Variants in AGAP2 observed in about 807,000 individuals in gnomAD.
AGAP2 encodes the protein ArfGAP with GTPase domain, ankyrin repeat and PH domain 2.
Under a neutral mutation model 110.9 loss-of-function variants are expected in AGAP2, and 32 were observed. The ratio of observed to expected loss-of-function variants is 0.29; its 90% confidence interval spans 0.22 to 0.39. The LOEUF is 0.39. AGAP2 is among the 10% of genes least tolerant of loss of function. The pLI, the probability that AGAP2 is intolerant of heterozygous loss-of-function variation, is 1.00. For missense variants in AGAP2, 1,285 were observed against 1,638.5 expected, an observed-to-expected ratio of 0.78 and a Z score of 3.72; for synonymous variants, 702 against 713.0, an observed-to-expected ratio of 0.98 and a Z score of 0.25.
At position 57,734,272 on chromosome 12, in the gene AGAP2, C is replaced by T. The variant is rs772823832; in HGVS notation, c.1401+47G>A. 13 of 1,613,264 alleles carry T rather than the reference C, an allele frequency of 8.1e-6. No individual in the cohort carries two copies. The African/African-American group carries it at 1.5e-4, about 18-fold the overall frequency. ...GGGAAACCAGAGCCCTCTCCTTTGG[C>T]CAGTGCTGACCCCAGCCAGCCTGTC... On this transcript the variant is annotated intron_variant, in intron 4 of 18. Coordinates refer to ENST00000547588, the MANE Select transcript of AGAP2 (RefSeq NM_001122772.3).
chr12:57,728,470 G>A (rs992760462), intron 13 of AGAP2, 93 bp from the exon 14 acceptor site: 2 of 1,217,378 alleles, frequency 1.6e-6, no homozygotes, highest in Non-Finnish European at 2.4e-6. Flanking sequence ...CAGGTAGATG[G>A]AGAGATGGAG....
chr12:57,732,700 T>A, intron 6 of AGAP2, 145 bp downstream of exon 6: 1 of 1,456,868 alleles, frequency 6.9e-7, no homozygotes, highest in South Asian at 1.3e-5. Context: ...TAAGCAAACC[T>A]TCTCTGGCCT....
Position 57,731,701 on chromosome 12 carries a change from T to C in AGAP2, c.1954-59A>G, listed in dbSNP as rs112928709. 23 of 1,608,246 alleles carry C rather than the reference T, an allele frequency of 1.4e-5. No homozygotes were observed. The African/African-American group carries it at 1.6e-4, about 11-fold the overall frequency. The stretch of plus-strand genomic sequence containing the variant: ...ATAGAGGGATACACTGATGTGACGA[T>C]AGGGAAGATAGATGAAGAAGGGCCC... On this transcript the variant is annotated intron_variant, in intron 8 of 18. Coordinates refer to ENST00000547588, the MANE Select transcript of AGAP2 (RefSeq NM_001122772.3).
At chr12:57,733,933 A>G (rs1954930680) in intron 5 of AGAP2, 93 bp downstream of exon 5, 40 of 1,444,140 alleles carry the variant, frequency 2.8e-5, no homozygotes, top group Non-Finnish European at 3.7e-5. Flanking sequence ...GGCCATTTCC[A>G]CACCTTACCA....
Position 57,726,699 on chromosome 12 carries a change from G to C in AGAP2, c.3432C>G (p.Leu1144=). The C allele has an allele frequency of 8.0e-7, 1 of 1,246,842 alleles. No homozygotes were observed. The highest frequency in any genetic ancestry group is 2.9e-5 in the South Asian group (1 of 34,750). The allele number at this position is 1,246,842 out of a possible 1,614,324, so 77.2% of individuals were successfully genotyped here. Residue 1144 remains leucine (L), a synonymous_variant, in exon 19 of 19, where the codon CTC becomes CTG. Transcript: ENST00000547588. This position sits in a 1 kb window ranked among gnomAD's most constrained non-coding sequence, Gnocchi z 5.7. ...AGSQLCADIL[L]QHGCPGEGGS... ...CGCCCTCACCCGGGCAGCCGTGCTG[G>C]AGAAGGATGTCGGCGCACAGCTGGC...
In AGAP2 at chr12:57,734,341, T is replaced by G. The variant is rs779174775; in HGVS notation, c.1379A>C (p.Glu460Ala). ...GQTHLVLIRE[E>A]AGAPDAKFSG... ...CACCTTGGCATCAGGTGCCCCAGCT[T>G]CCTCTCGGATTAGCACCAGATGTGT... The change falls in exon 4 of 19, where the codon GAA becomes GCA. Residue 460 changes from glutamate (E) to alanine (A), a missense_variant. Glu to Ala is a moderately radical substitution (Grantham distance 107, BLOSUM62 -1). Coordinates refer to ENST00000547588, the MANE Select transcript of AGAP2 (RefSeq NM_001122772.3). The G allele has an allele frequency of 1.1e-5, 18 of 1,614,140 alleles. No homozygotes were observed. In the South Asian group the frequency reaches 2.0e-4, roughly 18 times the overall value.
intron 5 of AGAP2, 136 bp downstream of exon 5, chr12:57,733,890 A>C: frequency 4.0e-6 from 4 of 990,200 alleles, no homozygotes; most frequent in Non-Finnish European, 5.6e-6. Context: ...TTTGGAGACC[A>C]GGCTCCCTCC....
chr12:57,728,094 G>C lies in AGAP2; in HGVS notation c.2618-9C>G. ...GAACTCAAAGTTTTCCTCTGAGTGGGGGATGGGATGGGGTCATTAAGGGAC... is the reference window on the plus strand; with the variant it reads ...GAACTCAAAGTTTTCCTCTGAGTGGCGGATGGGATGGGGTCATTAAGGGAC... On this transcript the variant is annotated splice_polypyrimidine_tract_variant and intron_variant, in intron 14 of 18. Transcript: ENST00000547588. 1 of 1,583,704 alleles carries C rather than the reference G, an allele frequency of 6.3e-7. No individual in the cohort carries two copies. Among genetic ancestry groups the C allele is most frequent in the Non-Finnish European group, 8.6e-7 (1 of 1,165,032 alleles).
chr12:57,733,034 T>C, intron 5 of AGAP2, 55 bp from the exon 6 acceptor site: 1 of 1,608,012 alleles, frequency 6.2e-7, no homozygotes, highest in Non-Finnish European at 8.5e-7. Flanking sequence ...TTGTTCGATT[T>C]TTCACAATTC....
Position 57,737,541 on chromosome 12 carries a change from C to T in AGAP2, c.706G>A (p.Ala236Thr). Residue 236 changes from alanine to threonine, a missense_variant, in exon 1 of 19, where the codon GCC becomes ACC. Ala to Thr is a moderately conservative substitution (Grantham distance 58). Around this residue, in one of 7 missense-constraint regions of AGAP2, gnomAD observed 844 missense variants for 941.2 expected, o/e 0.90. Transcript: ENST00000547588. This position sits in a 1 kb window ranked among gnomAD's most constrained non-coding sequence, Gnocchi z 5.9. ...SSAGTGASVSAAATAAAAGGG... is the reference protein window; with the variant it reads ...SSAGTGASVSTAATAAAAGGG... The stretch of plus-strand genomic sequence containing the variant: ...CCGGCGGCGGCGGCGGTGGCGGCGG[C>T]AGAGACCGAAGCTCCAGTCCCGGCG... 2 of 1,556,998 alleles carry T rather than the reference C, an allele frequency of 1.3e-6. No homozygotes were observed. Among genetic ancestry groups the T allele is most frequent in the Non-Finnish European group, 1.7e-6 (2 of 1,151,092 alleles).
intron 5 of AGAP2, 151 bp downstream of exon 5, chr12:57,733,875 C>T: frequency 1.2e-6 from 1 of 855,404 alleles, no homozygotes; most frequent in South Asian, 2.8e-5. Context: ...TTCATGACTC[C>T]CTTATTTGGA....
At chr12:57,734,957 G>T (rs370268549) in intron 2 of AGAP2, among the ~76,000 whole-genome samples, 2 of 151,590 alleles carry the variant, frequency 1.3e-5, no homozygotes, top group African/African-American at 2.4e-5. Context: ...CAGCTTTTTT[G>T]TGTGTTGGGT....
chr12:57,730,124 A>ACT (rs1954857060), intron 12 of AGAP2, among the ~76,000 whole-genome samples: 1 of 151,166 alleles, frequency 6.6e-6, no homozygotes, highest in Non-Finnish European at 1.5e-5. Context: ...ATATATATAT[A>ACT]TTTTTTTTCA....
rs751617664 is a variant in AGAP2 at position 57,729,691 on chromosome 12, C to T, written c.2505G>A (p.Arg835=). 1.1e-5 allele frequency: 18 copies of T among 1,613,750 alleles called. No homozygotes were observed. Among genetic ancestry groups the T allele is most frequent in the Non-Finnish European group, 1.4e-5 (16 of 1,179,838 alleles). Residue 835 remains arginine (R), a synonymous_variant, in exon 13 of 19, where the codon AGG becomes AGA. Transcript: ENST00000547588. ...PPSPMVKKQR[R]KKLTTPSKTE... ...TCTTGGATGGTGTTGTCAATTTTTT[C>T]CTCCTCTGCTTCTTCACCATGGGAG...
Position 57,728,063 on chromosome 12 carries a change from G to T in AGAP2, c.2640C>A (p.Ile880=), listed in dbSNP as rs752551386. Residue 880 remains isoleucine (I), a synonymous_variant, in exon 15 of 19, where the codon ATC becomes ATA. Coordinates refer to ENST00000547588, the MANE Select transcript of AGAP2 (RefSeq NM_001122772.3). Reference sequence around the variant, plus strand: ...GCCACGTCTGACCCGTGCTGGACACGATCAGGAACTCAAAGTTTTCCTCTG... The same window carrying T: ...GCCACGTCTGACCCGTGCTGGACACTATCAGGAACTCAAAGTTTTCCTCTG... The part of the protein sequence containing the change: ...YKAEENFEFL[I]VSSTGQTWHF... 1.7e-5 allele frequency: 28 copies of T among 1,601,852 alleles called. No homozygotes were observed. The highest frequency in any genetic ancestry group is 2.4e-5 in the Non-Finnish European group (28 of 1,174,090).
In AGAP2 at chr12:57,727,626, G is replaced by A. The variant is rs1954796561; in HGVS notation, c.2858-44C>T. ...GGTCGGCTCCCAGCCGGGCAGCACA[G>A]GCACCCCGGCATTCACTACACTCCC... is the stretch of plus-strand genomic sequence containing the variant. On this transcript the variant is annotated intron_variant, in intron 16 of 18. Transcript: ENST00000547588. The A allele has an allele frequency of 1.9e-6, 3 of 1,589,556 alleles. No individual in the cohort carries two copies. The South Asian group carries it at 3.4e-5, about 18-fold the overall frequency.
At position 57,738,461 on chromosome 12, in the gene AGAP2, C is replaced by T; in HGVS notation, c.-215G>A. 3.1e-6 allele frequency: 1 copy of T among 319,330 alleles called. No homozygotes were observed. The highest frequency in any genetic ancestry group is 4.5e-6 in the Non-Finnish European group (1 of 220,922). The allele number at this position is 319,330 out of a possible 1,614,324, so 19.8% of individuals were successfully genotyped here. On this transcript the variant is annotated 5_prime_UTR_variant, in exon 1 of 19. Coordinates refer to ENST00000547588, the MANE Select transcript of AGAP2 (RefSeq NM_001122772.3). This position sits in a 1 kb window ranked among gnomAD's most constrained non-coding sequence, Gnocchi z 6.7. ...CCCTCCCCATGCTCCCCGCCCTGCG[C>T]CCCCACCCTCTTGGAGCCCCGGGAC...
chr12:57,727,648 T>C, intron 16 of AGAP2, 33 bp downstream of exon 16: 1 of 1,592,776 alleles, frequency 6.3e-7, no homozygotes, highest in East Asian at 2.3e-5. Context: ...TTCACTACAC[T>C]CCCTAGCCCC....
At chr12:57,728,187 T>C (rs1954810128) in intron 14 of AGAP2, 102 bp from the exon 15 acceptor site, 1 of 1,500,820 alleles carries the variant, frequency 6.7e-7, no homozygotes, top group African/African-American at 1.4e-5. Context: ...CCCCTGGGAG[T>C]GGGGCAGTGG....
Sources: allele counts gnomAD v4.1 joint callset (sites outside exome capture counted in the v4.1 genomes callset), GRCh38; gene constraint gnomAD v4.1.1; regional missense constraint gnomAD v4.1.1; non-coding constraint Gnocchi (gnomAD v3.1); transcripts MANE v1.5; gene names NCBI Gene and HGNC (gene_info 2026-07-23, HGNC 2026-07-21).